RBFOX1: variants seen among roughly 807,000 people sequenced by gnomAD.
RBFOX1 encodes the protein RNA binding fox-1 homolog 1.
A neutral mutation model predicts 57.7 loss-of-function variants in RBFOX1; 8 were observed. The ratio of observed to expected loss-of-function variants is 0.14; its 90% CI spans 0.08 to 0.25. The LOEUF is 0.25. RBFOX1 is among the 10% of genes least tolerant of loss of function. RBFOX1 has a pLI of 1.00. For missense variants in RBFOX1, 611 were observed against 548.5 expected (o/e 1.11, Z -1.14); for synonymous variants, 326 against 222.4 (o/e 1.47, Z -4.15).
intron 1 of RBFOX1, among the ~76,000 whole-genome samples, chr16:5,246,827 C>T (rs1221153086): frequency 3.3e-5 from 5 of 152,032 alleles, no homozygotes; most frequent in Admixed American, 6.6e-5. Flanking sequence ...TGCACCACCA[C>T]GCTCCACTAA....
At chr16:7,396,065 C>T (rs973528613) in intron 4 of RBFOX1, among the ~76,000 whole-genome samples, 1 of 152,036 alleles carries the variant, frequency 6.6e-6, no homozygotes, top group Non-Finnish European at 1.5e-5. Flanking sequence ...ATGGTGGGTT[C>T]TGGATTCCCC....
At chr16:6,482,805 A>T (rs1317802498) in intron 2 of RBFOX1, among the ~76,000 whole-genome samples, 1 of 152,186 alleles carries the variant, frequency 6.6e-6, no homozygotes, top group African/African-American at 2.4e-5. Context: ...TTCTAGGTGA[A>T]GCAGCATATT....
intron 2 of RBFOX1, among the ~76,000 whole-genome samples, chr16:6,393,854 A>G (rs2092708755): frequency 6.6e-6 from 1 of 152,178 alleles, no homozygotes; most frequent in Non-Finnish European, 1.5e-5. Context: ...GGATCATTGT[A>G]AGAACTGTGT....
At chr16:7,278,426 C>T (rs2095481438) in intron 4 of RBFOX1, among the ~76,000 whole-genome samples, 2 of 152,270 alleles carry the variant, frequency 1.3e-5, no homozygotes, top group South Asian at 2.1e-4. Flanking sequence ...GGGTGTTGGA[C>T]ATTTTGAAGG....
chr16:7,580,038 A>C, intron 6 of RBFOX1, 118 bp downstream of exon 6: 1 of 1,111,092 alleles, frequency 9.0e-7, no homozygotes. Context: ...GGGGAGAAAC[A>C]ATTTAGAGCC....
intron 1 of RBFOX1, among the ~76,000 whole-genome samples, chr16:6,185,988 A>G (rs546036656): frequency 6.6e-6 from 1 of 152,300 alleles, no homozygotes; most frequent in South Asian, 2.1e-4. Flanking sequence ...CTTAAAGTCA[A>G]TCTTGTACTG....
At chr16:7,079,505 C>A (rs1264527578) in intron 4 of RBFOX1, among the ~76,000 whole-genome samples, 1 of 152,178 alleles carries the variant, frequency 6.6e-6, no homozygotes, top group Admixed American at 6.5e-5. Context: ...AACTCACAGT[C>A]CTTCTTTGTC....
intron 3 of RBFOX1, among the ~76,000 whole-genome samples, chr16:5,717,750 A>G (rs181927414): frequency 2.6e-5 from 4 of 152,332 alleles, no homozygotes; most frequent in South Asian, 4.1e-4. Flanking sequence ...ACCAATAACA[A>G]TAATTCTTGT....
chr16:6,121,434 C>A (rs894018329), intron 1 of RBFOX1, among the ~76,000 whole-genome samples: 1 of 152,196 alleles, frequency 6.6e-6, no homozygotes, highest in African/African-American at 2.4e-5. Flanking sequence ...TGCTTGAAAT[C>A]CTTGATCCTA....
chr16:5,531,093 C>T (rs1020564170), intron 2 of RBFOX1, among the ~76,000 whole-genome samples: 1 of 151,996 alleles, frequency 6.6e-6, no homozygotes, highest in African/African-American at 2.4e-5. Flanking sequence ...CCACTGCACT[C>T]CAGCCTGGGT....
At chr16:5,423,522 G>A (rs1257337348) in intron 1 of RBFOX1, among the ~76,000 whole-genome samples, 2 of 152,338 alleles carry the variant, frequency 1.3e-5, no homozygotes, top group East Asian at 3.9e-4. Context: ...TCATGGTGAA[G>A]GGGCCACAGA....
chr16:6,684,970 G>A (rs1272946292), intron 3 of RBFOX1, among the ~76,000 whole-genome samples: 1 of 152,094 alleles, frequency 6.6e-6, no homozygotes, highest in Non-Finnish European at 1.5e-5. Context: ...TCTTTGGCAG[G>A]TTGTATTAGT....
At chr16:7,168,799 A>G (rs572376370) in intron 4 of RBFOX1, among the ~76,000 whole-genome samples, 8 of 152,322 alleles carry the variant, frequency 5.3e-5, no homozygotes, top group Admixed American at 1.3e-4. Context: ...TTTTGCCAAT[A>G]AACTGTTATT....
intron 3 of RBFOX1, among the ~76,000 whole-genome samples, chr16:5,628,283 G>T (rs1732701143): frequency 6.6e-6 from 1 of 152,146 alleles, no homozygotes; most frequent in South Asian, 2.1e-4. Flanking sequence ...TGCAAATGGT[G>T]ATCCTACCTG....
At chr16:6,495,235 C>T (rs1177491151) in intron 2 of RBFOX1, among the ~76,000 whole-genome samples, 3 of 152,170 alleles carry the variant, frequency 2.0e-5, no homozygotes, top group Admixed American at 1.3e-4. Context: ...TCTTTTGCCG[C>T]AGCCTCCTGA....
intron 1 of RBFOX1, among the ~76,000 whole-genome samples, chr16:6,183,668 G>T (rs934236732): frequency 6.6e-6 from 1 of 152,118 alleles, no homozygotes; most frequent in Non-Finnish European, 1.5e-5. Flanking sequence ...ATGTCTAGAA[G>T]ATCAGAAAGA....
Position 6,721,054 on chromosome 16 carries a change from T to C in RBFOX1, c.-16+66404T>C, listed in dbSNP as rs115932346. Among the ~76,000 whole-genome samples, 338 of 152,304 alleles carry C rather than the reference T, an allele frequency of 2.2e-3. 3 individuals are homozygous for C. Among genetic ancestry groups the C allele is most frequent in the African/African-American group, 7.8e-3 (323 of 41,576 alleles). On this transcript the variant is annotated intron_variant, in intron 3 of 15. Coordinates refer to ENST00000550418, the MANE Select transcript of RBFOX1 (RefSeq NM_018723.4). ...GTGGTCAGGCATAGTCTGTTCACAA[T>C]AAACAGTAGAATATTGCCTCTTCTG...
chr16:5,791,310 A>G (rs556942637), intron 3 of RBFOX1, among the ~76,000 whole-genome samples: 4 of 152,364 alleles, frequency 2.6e-5, no homozygotes, highest in East Asian at 3.9e-4. Context: ...AAAAAGATCA[A>G]TGCAATGCTA....
chr16:5,781,507 C>T (rs973978034), intron 3 of RBFOX1, among the ~76,000 whole-genome samples: 6 of 152,172 alleles, frequency 3.9e-5, no homozygotes, highest in African/African-American at 1.4e-4. Flanking sequence ...TACAAATGTT[C>T]TCTAGGAAAG....
Sources: allele counts gnomAD v4.1 joint callset (sites outside exome capture counted in the v4.1 genomes callset), GRCh38; gene constraint gnomAD v4.1.1; transcripts MANE v1.5; gene names NCBI Gene and HGNC (gene_info 2026-07-23, HGNC 2026-07-21).